The following FOCAD variants were observed in gnomAD, a reference collection of about 807,000 sequenced individuals.
FOCAD encodes focadhesin.
In FOCAD, 198 loss-of-function variants were observed where a neutral mutation model predicts 225.6. That is an observed-to-expected ratio of 0.88 (90% CI 0.78 to 0.99). The LOEUF is 0.99. Ranked by LOEUF, FOCAD falls within the 50% of genes least tolerant of loss-of-function variation. The pLI is 0.00. For synonymous variants in FOCAD, 897 were observed against 755.0 expected, an observed-to-expected ratio of 1.19 and a Z score of -3.08; for missense variants, 2,713 against 2,123.6, an observed-to-expected ratio of 1.28 and a Z score of -5.46.
intron 15 of FOCAD, among the ~76,000 whole-genome samples, chr9:20,836,152 T>C (rs2131533880): frequency 6.6e-6 from 1 of 152,222 alleles, no homozygotes; most frequent in Middle Eastern, 3.4e-3. Flanking sequence ...TCAATGGGAC[T>C]CAGCAGGTTT....
At chr9:20,686,990 C>T (rs1385798093) in intron 1 of FOCAD, among the ~76,000 whole-genome samples, 1 of 150,934 alleles carries the variant, frequency 6.6e-6, no homozygotes, top group Non-Finnish European at 1.5e-5. Flanking sequence ...TACTTCTGGC[C>T]TCATAGTTTT....
At chr9:20,817,224 G>A (rs967877987) in intron 11 of FOCAD, among the ~76,000 whole-genome samples, 1 of 152,100 alleles carries the variant, frequency 6.6e-6, no homozygotes, top group Non-Finnish European at 1.5e-5. Context: ...TACATCTCAT[G>A]TAATTCATCC....
intron 14 of FOCAD, among the ~76,000 whole-genome samples, chr9:20,821,600 A>G (rs1451597569): frequency 2.0e-5 from 3 of 152,088 alleles, no homozygotes; most frequent in Non-Finnish European, 4.4e-5. Flanking sequence ...GTTCTAGATT[A>G]TGGATTAATA....
rs1824275812 is a variant in FOCAD at position 20,821,082 on chromosome 9, A to G, written c.1793+11A>G. 6.2e-7 allele frequency: 1 copy of G among 1,609,686 alleles called. No individual in the cohort carries two copies. The highest frequency in any genetic ancestry group is 2.2e-5 in the East Asian group (1 of 44,748). ...TATATGTAAGCAGAGGTATGATGTC[A>G]TTAACTCTTAGGAATGTATATCATG... On this transcript the variant is annotated intron_variant, in intron 14 of 43. Transcript: ENST00000338382.
chr9:20,841,543 C>A lies in FOCAD; in HGVS notation c.1920+18428C>A, dbSNP rs545286262. Among the ~76,000 whole-genome samples, 17 of 151,844 alleles carry A rather than the reference C, an allele frequency of 1.1e-4. No homozygotes were observed. In the South Asian group the frequency reaches 3.5e-3, roughly 32 times the overall value. On this transcript the variant is annotated intron_variant, in intron 15 of 43. Transcript: ENST00000338382. ...TCATCTAAGTTTTTCAATTTATTGT[C>A]ATATAGTTGCTCATTGGTAGCCTCT... is the stretch of plus-strand genomic sequence containing the variant.
At chr9:20,839,005 C>G (rs1826253842) in intron 15 of FOCAD, among the ~76,000 whole-genome samples, 1 of 151,988 alleles carries the variant, frequency 6.6e-6, no homozygotes, top group African/African-American at 2.4e-5. Context: ...GCCAGGTATT[C>G]TGAAGGAAGA....
intron 9 of FOCAD, among the ~76,000 whole-genome samples, chr9:20,779,763 A>T (rs1819181558): frequency 6.6e-6 from 1 of 152,104 alleles, no homozygotes; most frequent in Non-Finnish European, 1.5e-5. Context: ...AAAAAAAAAA[A>T]AGTGTGCGAG....
intron 15 of FOCAD, among the ~76,000 whole-genome samples, chr9:20,848,994 A>G (rs1162922452): frequency 6.6e-6 from 1 of 152,012 alleles, no homozygotes; most frequent in African/African-American, 2.4e-5. Context: ...AAAAGAATTG[A>G]GAAAAAAGAG....
chr9:20,971,215 C>A (rs985421350), intron 35 of FOCAD, among the ~76,000 whole-genome samples: 2 of 152,136 alleles, frequency 1.3e-5, no homozygotes, highest in Admixed American at 1.3e-4. Flanking sequence ...TTACACATTG[C>A]ATGCCTATAT....
chr9:20,707,774 G>T (rs1425737587), intron 1 of FOCAD, among the ~76,000 whole-genome samples: 5 of 152,148 alleles, frequency 3.3e-5, no homozygotes, highest in African/African-American at 1.2e-4. Context: ...TTTCTCAAGG[G>T]TCAACTGTGG....
intron 2 of FOCAD, among the ~76,000 whole-genome samples, chr9:20,675,231 A>G (rs1822198531): frequency 6.6e-6 from 1 of 152,212 alleles, no homozygotes; most frequent in South Asian, 2.1e-4. Context: ...GGGTAGGCAA[A>G]CTATAGTCTG....
intron 1 of FOCAD, among the ~76,000 whole-genome samples, chr9:20,696,507 A>C (rs567325598): frequency 6.6e-6 from 1 of 152,210 alleles, no homozygotes; most frequent in Non-Finnish European, 1.5e-5. Flanking sequence ...TTCATGTTTA[A>C]ATTTAATTGC....
In FOCAD at chr9:20,950,949, A is replaced by C. The variant is rs760934618; in HGVS notation, c.3949-47A>C. ...CTGTGAGTGACCTTTTATTGAATGG[A>C]ACTTGGATCTTATCCCATCATTGAA... On this transcript the variant is annotated intron_variant, in intron 33 of 43. Transcript: ENST00000338382. 2.2e-5 allele frequency: 33 copies of C among 1,521,204 alleles called. No individual in the cohort carries two copies. The East Asian group carries it at 7.2e-4, about 33-fold the overall frequency. 94.2% of individuals were successfully genotyped at this position (1,521,204 alleles called of 1,614,324 possible).
At chr9:20,799,010 C>T (rs1821469305) in intron 11 of FOCAD, among the ~76,000 whole-genome samples, 1 of 152,200 alleles carries the variant, frequency 6.6e-6, no homozygotes, top group Non-Finnish European at 1.5e-5. Context: ...CCTGTACACA[C>T]TGCTTTGAAT....
At chr9:20,800,941 C>A (rs1485571260) in intron 11 of FOCAD, among the ~76,000 whole-genome samples, 2 of 152,136 alleles carry the variant, frequency 1.3e-5, no homozygotes, top group East Asian at 3.9e-4. Context: ...TTAGAATTTT[C>A]AGTTTTTCTG....
intron 1 of FOCAD, among the ~76,000 whole-genome samples, chr9:20,697,506 C>G (rs1823474456): frequency 6.6e-6 from 1 of 152,232 alleles, no homozygotes; most frequent in Non-Finnish European, 1.5e-5. Context: ...ACACTGGTGT[C>G]CTTGGTCTTT....
At chr9:20,821,097 T>C in intron 14 of FOCAD, 26 bp downstream of exon 14, 1 of 1,594,504 alleles carries the variant, frequency 6.3e-7, no homozygotes, top group Non-Finnish European at 8.6e-7. Context: ...CTCTTAGGAA[T>C]GTATATCATG....
chr9:20,889,052 T>C (rs958678826), intron 21 of FOCAD, among the ~76,000 whole-genome samples: 1 of 152,218 alleles, frequency 6.6e-6, no homozygotes, highest in African/African-American at 2.4e-5. Flanking sequence ...CACAGAGTTG[T>C]GTAACCATTC....
At chr9:20,752,524 G>A (rs1450803167) in intron 5 of FOCAD, among the ~76,000 whole-genome samples, 1 of 152,136 alleles carries the variant, frequency 6.6e-6, no homozygotes, top group Non-Finnish European at 1.5e-5. Flanking sequence ...CTATATCTCT[G>A]TTTTGGTACC....
Sources: gnomAD v4.1 joint callset for allele counts (sites outside exome capture counted in the v4.1 genomes callset) on GRCh38, gnomAD v4.1.1 for gene constraint, MANE v1.5 for transcripts, NCBI Gene and HGNC (gene_info 2026-07-23, HGNC 2026-07-21) for gene names.